The following TRMT11 variants were observed in gnomAD, a reference collection of about 807,000 sequenced individuals.
TRMT11 encodes tRNA (guanine(10)-N(2))-methyltransferase TRMT11.
Under a neutral mutation model 62.8 loss-of-function variants are expected in TRMT11, and 53 were observed. That is an observed-to-expected ratio of 0.84 (90% confidence interval 0.68 to 1.06). The LOEUF is 1.06. TRMT11 is among the 50% of genes least tolerant of loss of function. The pLI, the probability that TRMT11 is intolerant of heterozygous loss-of-function variation, is 0.00. For missense variants in TRMT11, 556 were observed against 553.4 expected, an observed-to-expected ratio of 1.00 and a Z score of -0.05; for synonymous variants, 188 against 190.3, an observed-to-expected ratio of 0.99 and a Z score of 0.10.
chr6:126,133,773 C>A (rs1777816249), intron 21 of TRMT11, among the ~76,000 whole-genome samples: 1 of 151,802 alleles, frequency 6.6e-6, no homozygotes, highest in Non-Finnish European at 1.5e-5. Context: ...GAGATAAAGC[C>A]CTTCAGATCA....
chr6:126,210,991 T>C, the TRMT11 span, among the ~76,000 whole-genome samples: 3 of 151,994 alleles, frequency 2.0e-5, no homozygotes, highest in African/African-American at 7.3e-5. Flanking sequence ...TTTTTTTTTT[T>C]TTTTTTGGTA....
intron 21 of TRMT11, among the ~76,000 whole-genome samples, chr6:126,135,157 A>G (rs1777836522): frequency 6.6e-6 from 1 of 151,752 alleles, no homozygotes; most frequent in South Asian, 2.1e-4. Context: ...GCAGAAATAA[A>G]TGAAATTGAG....
At chr6:125,994,625 A>G (rs1791171097) in intron 2 of TRMT11, among the ~76,000 whole-genome samples, 1 of 152,264 alleles carries the variant, frequency 6.6e-6, no homozygotes, top group Non-Finnish European at 1.5e-5. Flanking sequence ...CCAAAGTAAT[A>G]TAAGTCATTC....
At chr6:126,172,168 G>A (rs1472538845) in intron 21 of TRMT11, among the ~76,000 whole-genome samples, 1 of 152,092 alleles carries the variant, frequency 6.6e-6, no homozygotes, top group Non-Finnish European at 1.5e-5. Context: ...GCTTAGTACA[G>A]CACCTTTTTT....
At chr6:126,106,594 T>G (rs1470781727) in intron 17 of TRMT11, among the ~76,000 whole-genome samples, 1 of 152,170 alleles carries the variant, frequency 6.6e-6, no homozygotes, top group South Asian at 2.1e-4. Flanking sequence ...GGAGAGAGAC[T>G]TGGGTTTGAA....
intron 21 of TRMT11, among the ~76,000 whole-genome samples, chr6:126,115,991 C>A (rs1356422376): frequency 2.0e-5 from 3 of 148,896 alleles, no homozygotes; most frequent in Non-Finnish European, 4.5e-5. Context: ...ATCCCTTGTG[C>A]TTATTAATGC....
At chr6:126,243,967 A>AAAAAGGGCCAG in the TRMT11 span, among the ~76,000 whole-genome samples, 17 of 152,304 alleles carry the variant, frequency 1.1e-4, 1 homozygote, top group Non-Finnish European at 1.6e-4. Flanking sequence ...GCATAGGTAA[A>AAAAAGGGCCAG]TATCACAAAA....
chr6:126,021,215 G>T lies in TRMT11; in HGVS notation c.1195G>T (p.Glu399Ter). 2 of 1,614,182 alleles carry T rather than the reference G, an allele frequency of 1.2e-6. No individual in the cohort carries two copies. The highest frequency in any genetic ancestry group is 1.7e-6 in the Non-Finnish European group (2 of 1,180,012). Residue 399 changes from glutamate to a stop codon, truncating the protein, a stop_gained, in exon 12 of 13, where the codon GAG becomes TAG. Transcript: ENST00000334379. LOFTEE classifies it high-confidence loss of function. ...HPCLELVSNC[E>*]QKLSSHTSRR... Reference sequence around the variant, plus strand: ...TTGCCTGGAACTCGTTAGCAACTGCGAGCAGAAGCTTTCCAGTCACACATC... The same window carrying T: ...TTGCCTGGAACTCGTTAGCAACTGCTAGCAGAAGCTTTCCAGTCACACATC...
intron 11 of TRMT11, among the ~76,000 whole-genome samples, chr6:126,014,731 A>G (rs760413779): frequency 1.3e-5 from 2 of 152,228 alleles, no homozygotes; most frequent in Non-Finnish European, 2.9e-5. Context: ...AAGAGAGAAT[A>G]CATTTGTACC....
downstream of TRMT11, among the ~76,000 whole-genome samples, chr6:126,203,444 G>A (rs546219026): frequency 1.3e-5 from 2 of 152,244 alleles, no homozygotes; most frequent in South Asian, 2.1e-4. Flanking sequence ...TCCTCCAAAT[G>A]TACCAGGAGT....
At chr6:126,090,824 T>G (rs1486619432) in intron 17 of TRMT11, among the ~76,000 whole-genome samples, 1 of 152,200 alleles carries the variant, frequency 6.6e-6, no homozygotes. Flanking sequence ...TGGGAAACAG[T>G]ATCTGAATCC....
At chr6:126,118,439 A>C (rs1777614245) in intron 21 of TRMT11, among the ~76,000 whole-genome samples, 1 of 152,106 alleles carries the variant, frequency 6.6e-6, no homozygotes, top group South Asian at 2.1e-4. Context: ...AATACTAAAC[A>C]AGCAGGCATG....
At chr6:126,079,267 G>A (rs777397501) in intron 17 of TRMT11, among the ~76,000 whole-genome samples, 67 of 152,170 alleles carry the variant, frequency 4.4e-4, no homozygotes, top group Non-Finnish European at 8.8e-4. Flanking sequence ...AATAATGGCT[G>A]TATTCAACAA....
intron 17 of TRMT11, among the ~76,000 whole-genome samples, chr6:126,087,553 G>A (rs956081269): frequency 4.6e-5 from 7 of 152,116 alleles, no homozygotes; most frequent in Non-Finnish European, 8.8e-5. Flanking sequence ...CTTTGTTTTT[G>A]TTTTTCTCCA....
upstream of TRMT11, among the ~76,000 whole-genome samples, chr6:126,172,857 A>G (rs1778345735): frequency 1.3e-5 from 2 of 152,208 alleles, no homozygotes; most frequent in Non-Finnish European, 2.9e-5. Context: ...CAAAGGAGGC[A>G]TATAGATGAG....
intron 12 of TRMT11, among the ~76,000 whole-genome samples, chr6:126,032,534 T>C: frequency 6.6e-6 from 1 of 152,168 alleles, no homozygotes; most frequent in East Asian, 1.9e-4. Context: ...TCTTTTCATA[T>C]GAGTAAATTT....
chr6:126,012,031 T>C (rs1794289727), intron 9 of TRMT11, among the ~76,000 whole-genome samples: 1 of 152,194 alleles, frequency 6.6e-6, no homozygotes, highest in Admixed American at 6.5e-5. Context: ...CTGCCTTTTC[T>C]ATAGTATTTG....
At chr6:126,022,807 A>C (rs144932788) in intron 12 of TRMT11, among the ~76,000 whole-genome samples, 52 of 152,368 alleles carry the variant, frequency 3.4e-4, no homozygotes, top group African/African-American at 1.2e-3. Context: ...ATACGTGTAC[A>C]TACATATAAA....
At chr6:126,248,509 AAAAC>A in the TRMT11 span, among the ~76,000 whole-genome samples, 18 of 152,138 alleles carry the variant, frequency 1.2e-4, no homozygotes, top group African/African-American at 4.1e-4. Context: ...ACAAGAAAAA[AAAAC>A]AAAGTCACCT....
Sources: allele counts gnomAD v4.1 joint callset (sites outside exome capture counted in the v4.1 genomes callset), GRCh38; gene constraint gnomAD v4.1.1; transcripts MANE v1.5; gene names NCBI Gene and HGNC (gene_info 2026-07-23, HGNC 2026-07-21).